The following C1RL variants were observed in gnomAD, a reference collection of about 807,000 sequenced individuals.
The protein encoded by C1RL is complement C1r subcomponent-like protein.
Under a neutral mutation model 27.9 loss-of-function variants are expected in C1RL, and 27 were observed. The observed-to-expected ratio is 0.97, with a 90% confidence interval of 0.71 to 1.33. C1RL has a LOEUF of 1.33. Ranked by LOEUF, C1RL falls within the 40% of genes most tolerant of loss-of-function variation. C1RL has a pLI of 0.00. For missense variants in C1RL, 563 were observed against 623.9 expected (o/e 0.90, Z 1.04); for synonymous variants, 248 against 252.1 (o/e 0.98, Z 0.15).
chr12:7,108,569 T>A, intron 1 of C1RL, 90 bp from the exon 2 acceptor site: 1 of 1,024,668 alleles, frequency 9.8e-7, no homozygotes, highest in South Asian at 1.6e-5. Flanking sequence ...GCGCTAGGAC[T>A]CAGAGGCCTC....
At chr12:7,097,202 G>A in intron 5 of C1RL, 39 bp from the exon 6 acceptor site, 1 of 1,540,048 alleles carries the variant, frequency 6.5e-7, no homozygotes, top group Non-Finnish European at 8.8e-7. Context: ...GTCAGCAGCT[G>A]CATCTAGACA....
At position 7,094,743 on chromosome 12, in the gene C1RL, G is replaced by T. The variant is rs923027731; in HGVS notation, c.*1648C>A. ...ACCACCTCTGTTTAGTATTTTGAGA[G>T]AATTATTATTATATTTTTGGCGATG... is the stretch of plus-strand genomic sequence containing the variant. On this transcript the variant is annotated 3_prime_UTR_variant, in exon 6 of 6. Transcript: ENST00000266542. The T allele has an allele frequency of 2.0e-5, 20 of 976,952 alleles. No individual in the cohort carries two copies. The Middle Eastern group carries it at 1.6e-3, about 76-fold the overall frequency. The allele number at this position is 976,952 out of a possible 1,614,324, so 60.5% of individuals were successfully genotyped here.
intron 3 of C1RL, among the ~76,000 whole-genome samples, chr12:7,101,115 C>CTCCCTCCTTCCTTTCCTTCCTTCCT (rs1565636809): frequency 1.6e-4 from 1 of 6,102 alleles, no homozygotes; most frequent in Non-Finnish European, 4.2e-4. Context: ...CCTTCCCTCC[C>CTCCCTCCTTCCTTTCCTTCCTTCCT]TCCCTCCCTC....
rs1046813626 is a variant in C1RL, at chr12:7,104,378, C to G, written c.301-2291G>C. Among the ~76,000 whole-genome samples the G allele has an allele frequency of 2.6e-5, 4 of 152,236 alleles. No individual in the cohort carries two copies. Among genetic ancestry groups the G allele is most frequent in the Non-Finnish European group, 5.9e-5 (4 of 68,042 alleles). ...CACACTTGATAGAGGGGGCGAAGGC[C>G]AGTGCAGCAGGTCCATGAATAACAT... On this transcript the variant is annotated intron_variant, in intron 2 of 5. Coordinates refer to ENST00000266542, the MANE Select transcript of C1RL (RefSeq NM_016546.4). This position sits in a 1 kb window ranked among gnomAD's most constrained non-coding sequence, Gnocchi z 5.4.
At position 7,094,973 on chromosome 12, in the gene C1RL, T is replaced by A. The variant is rs1938385352; in HGVS notation, c.*1418A>T. On this transcript the variant is annotated 3_prime_UTR_variant, in exon 6 of 6. Coordinates refer to ENST00000266542, the MANE Select transcript of C1RL (RefSeq NM_016546.4). ...TACAACTTTGAATCCTGCCATTTTT[T>A]AGAGATAAATTTAACCTTTGACCAT... 2.7e-6 allele frequency: 3 copies of A among 1,106,274 alleles called. No individual in the cohort carries two copies. In the South Asian group the frequency reaches 5.9e-5, roughly 22 times the overall value. 68.5% of individuals were successfully genotyped at this position (1,106,274 alleles called of 1,614,324 possible).
Position 7,099,888 on chromosome 12 carries a change from G to A in C1RL, c.616+13C>T, listed in dbSNP as rs373440463. ...GGTGGATGGAAGCCACCCCTCGGCA[G>A]GTGGGGACTCACCTGCTGCCGCGGC... On this transcript the variant is annotated intron_variant, in intron 4 of 5. Transcript: ENST00000266542. 6.8e-6 allele frequency: 11 copies of A among 1,614,012 alleles called. No homozygotes were observed. The East Asian group carries it at 1.6e-4, about 23-fold the overall frequency.
At position 7,101,111 on chromosome 12, in the gene C1RL, C is replaced by CTCCCTCCCTCCTTCTT. The variant is rs1565636796; in HGVS notation, c.490+786_490+787insAAGAAGGAGGGAGGGA. Among the ~76,000 whole-genome samples, 16 of 11,146 alleles carry CTCCCTCCCTCCTTCTT rather than the reference C, an allele frequency of 1.4e-3. 1 individual carries two copies. In the East Asian group the frequency reaches 0.024, roughly 16 times the overall value. 7.3% of individuals were successfully genotyped at this position (11,146 alleles called of 152,430 possible). A position where few individuals can be genotyped will look rare whatever the true frequency, so the allele number is the denominator to read the frequency against. On this transcript the variant is annotated intron_variant, in intron 3 of 5. Transcript: ENST00000266542. ...CTTCCCTCCTTCCCTCCTTCCTTCC[C>CTCCCTCCCTCCTTCTT]TCCCTCCCTCCCTCCTTCTTCCCTC...
At chr12:7,105,588 C>A (rs1816235413) in intron 2 of C1RL, among the ~76,000 whole-genome samples, 1 of 152,046 alleles carries the variant, frequency 6.6e-6, no homozygotes, top group Non-Finnish European at 1.5e-5. Flanking sequence ...GAATGGACAG[C>A]CAAGTATTAT....
At position 7,095,692 on chromosome 12, in the gene C1RL, A is replaced by G; in HGVS notation, c.*699T>C. 1 of 965,462 alleles carries G rather than the reference A, an allele frequency of 1.0e-6. No homozygotes were observed. The highest frequency in any genetic ancestry group is 1.2e-6 in the Non-Finnish European group (1 of 811,684). 59.8% of individuals were successfully genotyped at this position (965,462 alleles called of 1,614,324 possible). A position where few individuals can be genotyped will look rare whatever the true frequency, so the allele number is the denominator to read the frequency against. ...TTAGAGGAGGGTTGAGAAGTATTGC[A>G]GCACACTGGGAAGAGCACAGTCTCT... On this transcript the variant is annotated 3_prime_UTR_variant, in exon 6 of 6. Transcript: ENST00000266542.
At chr12:7,109,001 G>GGT in intron 1 of C1RL, 109 bp downstream of exon 1, 1 of 338,894 alleles carries the variant, frequency 3.0e-6, no homozygotes, top group Non-Finnish European at 5.2e-6. Flanking sequence ...GGGGGGGGGG[G>GGT]ATGTGTGTGT....
In C1RL at chr12:7,096,749, C is replaced by G. The variant is rs759003415; in HGVS notation, c.1106G>C (p.Ser369Thr). Residue 369 changes from serine (S) to threonine (T), a missense_variant, in exon 6 of 6, where the codon AGC (serine) becomes ACC (threonine). Coordinates refer to ENST00000266542, the MANE Select transcript of C1RL (RefSeq NM_016546.4). The stretch of plus-strand genomic sequence containing the variant: ...CCCACTGACGTAGCCCAACAAGCCG[C>G]TGCGGTAGAGGGTCTCATTATCGGG... The part of the protein sequence containing the change: ...CLPDNETLYR[S>T]GLLGYVSGFG... 1.2e-6 allele frequency: 2 copies of G among 1,611,244 alleles called. No individual in the cohort carries two copies. Among genetic ancestry groups the G allele is most frequent in the Non-Finnish European group, 1.7e-6 (2 of 1,178,328 alleles).
intron 1 of C1RL, 39 bp downstream of exon 1, chr12:7,109,071 C>G: frequency 6.7e-7 from 1 of 1,502,444 alleles, no homozygotes; most frequent in African/African-American, 1.4e-5. Flanking sequence ...TCTTCCCCTC[C>G]CGTCCTCTTC....
chr12:7,101,016 GACTT>G (rs748474209), intron 3 of C1RL, among the ~76,000 whole-genome samples: 9 of 152,014 alleles, frequency 5.9e-5, no homozygotes, highest in African/African-American at 2.2e-4. Flanking sequence ...ATCAGAGGAA[GACTT>G]ACTTTTTAGC....
chr12:7,100,499 A>G (rs2135756379), intron 3 of C1RL, among the ~76,000 whole-genome samples: 1 of 152,328 alleles, frequency 6.6e-6, no homozygotes, highest in South Asian at 2.1e-4. Context: ...GTGGTCATTA[A>G]AAATAATGAG....
intron 2 of C1RL, among the ~76,000 whole-genome samples, chr12:7,103,457 T>G (rs1018284238): frequency 6.6e-6 from 1 of 152,196 alleles, no homozygotes; most frequent in Non-Finnish European, 1.5e-5. Flanking sequence ...TCTTCCAGCA[T>G]GTTCTATGGC....
rs140166352 is a variant in C1RL, at chr12:7,108,271, A to G, written c.280T>C (p.Cys94Arg). ...CTCACTGTGACAGAGTCCCCTGCAC[A>G]GTCCTGGGACGGCTCCAGGTCGAAG... ...QDFDLEPSQD[C>R]AGDSVTISFV... Residue 94 changes from cysteine to arginine, a missense_variant, in exon 2 of 6, where the codon TGT becomes CGT. By Grantham distance (180) the Cys-to-Arg change is radical. Transcript: ENST00000266542. The G allele has an allele frequency of 6.6e-5, 107 of 1,613,012 alleles. No homozygotes were observed. The highest frequency in any genetic ancestry group is 8.4e-5 in the Non-Finnish European group (99 of 1,179,444).
intron 1 of C1RL, 158 bp from the exon 2 acceptor site, chr12:7,108,637 C>T (rs993455966): frequency 1.3e-5 from 8 of 603,378 alleles, no homozygotes; most frequent in African/African-American, 7.5e-5. Flanking sequence ...TTCCCGTCTC[C>T]TCCCTTGCTC....
rs1222400704 is a variant in C1RL, at chr12:7,097,314, C to T, written c.692-151G>A. The T allele has an allele frequency of 5.8e-6, 4 of 692,176 alleles. No individual in the cohort carries two copies. The East Asian group carries it at 8.8e-5, about 15-fold the overall frequency. The allele number at this position is 692,176 out of a possible 1,614,324, so 42.9% of individuals were successfully genotyped here. A position where few individuals can be genotyped will look rare whatever the true frequency, so the allele number is the denominator to read the frequency against. On this transcript the variant is annotated intron_variant, in intron 5 of 5. Coordinates refer to ENST00000266542, the MANE Select transcript of C1RL (RefSeq NM_016546.4). ...TTTTTTTTTTTGATATCGAGTTTCG[C>T]TCTTGTTGCCCAGACTGGAGCGTAC...
chr12:7,102,024 G>T lies in C1RL; in HGVS notation c.364C>A (p.Pro122Thr). ...CGQQGSPLGR[P>T]PGQREFVSSG... ...GATACAAACTCCCTCTGACCAGGGG[G>T]CCTGCCCAGAGGGGAGCCTTGCTGA... Residue 122 changes from proline to threonine, a missense_variant, in exon 3 of 6, where the codon CCC becomes ACC. Pro to Thr is a conservative substitution (Grantham distance 38). Transcript: ENST00000266542. The T allele has an allele frequency of 6.2e-7, 1 of 1,614,188 alleles. No individual in the cohort carries two copies.
Sources: allele counts gnomAD v4.1 joint callset (sites outside exome capture counted in the v4.1 genomes callset), GRCh38; gene constraint gnomAD v4.1.1; non-coding constraint Gnocchi (gnomAD v3.1); transcripts MANE v1.5; gene names NCBI Gene and HGNC (gene_info 2026-07-23, HGNC 2026-07-21).